EDN2: variants seen among roughly 807,000 people sequenced by gnomAD.
EDN2 encodes the protein endothelin-2.
Under a neutral mutation model 19.9 loss-of-function variants are expected in EDN2, and 10 were observed. The ratio of observed to expected loss-of-function variants is 0.50; its 90% CI spans 0.31 to 0.85. The LOEUF is 0.85. EDN2 is among the 40% of genes least tolerant of loss of function. The pLI is 0.05. For synonymous variants in EDN2, 84 were observed against 94.9 expected, an observed-to-expected ratio of 0.89 and a Z score of 0.67; for missense variants, 222 against 239.3, an observed-to-expected ratio of 0.93 and a Z score of 0.48.
intron 4 of EDN2, chr1:41,480,808 C>T (rs529212443): frequency 5.6e-5 from 33 of 591,506 alleles, no homozygotes; most frequent in Admixed American, 1.1e-4. Flanking sequence ...TCAGCACAGC[C>T]TGAACGAACA....
In EDN2 at chr1:41,479,145, G is replaced by A. The variant is rs555392254; in HGVS notation, c.*264C>T. On this transcript the variant is annotated 3_prime_UTR_variant, in exon 5 of 5. Coordinates refer to ENST00000372587, the MANE Select transcript of EDN2 (RefSeq NM_001956.5). ...ATGTACTCCCCATGCAGTTCTTCCAGCAGAGCTGTGGGCCAGCAGCCAGCA... is the reference window on the plus strand; with the variant it reads ...ATGTACTCCCCATGCAGTTCTTCCAACAGAGCTGTGGGCCAGCAGCCAGCA... 64 of 573,124 alleles carry A rather than the reference G, an allele frequency of 1.1e-4. No homozygotes were observed. Among genetic ancestry groups the A allele is most frequent in the African/African-American group, 1.1e-3 (58 of 54,328 alleles). The allele number at this position is 573,124 out of a possible 1,614,324, so 35.5% of individuals were successfully genotyped here. A position where few individuals can be genotyped will look rare whatever the true frequency, so the allele number is the denominator to read the frequency against.
chr1:41,484,274 C>G, intron 1 of EDN2, 71 bp from the exon 2 acceptor site: 1 of 1,535,420 alleles, frequency 6.5e-7, no homozygotes, highest in Non-Finnish European at 8.8e-7. Context: ...GAGTGGGGGA[C>G]CCACCATGCC....
chr1:41,484,246 G>T (rs771560204), intron 1 of EDN2, 43 bp from the exon 2 acceptor site: 17 of 1,597,982 alleles, frequency 1.1e-5, no homozygotes, highest in Non-Finnish European at 1.5e-5. Context: ...GGTGGGTTGG[G>T]GTGCCTGGCA....
rs113450087 is a variant in EDN2 at position 41,482,010 on chromosome 1, T to C, written c.344+456A>G. Among the ~76,000 whole-genome samples, 70 of 152,300 alleles carry C rather than the reference T, an allele frequency of 4.6e-4. 3 individuals are homozygous for C. Among genetic ancestry groups the C allele is most frequent in the African/African-American group, 1.6e-3 (67 of 41,568 alleles). ...CTGGGGCCACCCTGGGATGGTGACA[T>C]GGCTTCCCAACTCCAGATGCCATTT... On this transcript the variant is annotated intron_variant, in intron 3 of 4. Transcript: ENST00000372587.
At chr1:41,480,158 A>C (rs1279955783) in intron 4 of EDN2, among the ~76,000 whole-genome samples, 2 of 152,240 alleles carry the variant, frequency 1.3e-5, no homozygotes, top group East Asian at 3.8e-4. Context: ...GCACACTATG[A>C]AGTGTGCGCT....
intron 4 of EDN2, among the ~76,000 whole-genome samples, chr1:41,480,009 A>G (rs1313699130): frequency 1.3e-5 from 2 of 152,168 alleles, no homozygotes; most frequent in East Asian, 3.9e-4. Flanking sequence ...CTAAACTGGG[A>G]GCCAGGAGGC....
intron 2 of EDN2, 29 bp downstream of exon 2, chr1:41,484,018 C>T (rs1300203448): frequency 6.4e-7 from 1 of 1,562,782 alleles, no homozygotes; most frequent in Non-Finnish European, 8.7e-7. Flanking sequence ...CCAGAGCTCC[C>T]CCTGCCCCCA....
In EDN2 at chr1:41,481,026, T is replaced by C. The variant is rs570185757; in HGVS notation, c.443+69A>G. The C allele has an allele frequency of 8.1e-5, 108 of 1,336,248 alleles. No homozygotes were observed. In the African/African-American group the frequency reaches 9.2e-4, roughly 11 times the overall value. The allele number at this position is 1,336,248 out of a possible 1,614,324, so 82.8% of individuals were successfully genotyped here. ...AATGAGGACCCAGGCCTGCCTCACA[T>C]AGAAAATATGGGAAATGTGCAAGGC... On this transcript the variant is annotated intron_variant, in intron 4 of 4. Coordinates refer to ENST00000372587, the MANE Select transcript of EDN2 (RefSeq NM_001956.5).
intron 3 of EDN2, among the ~76,000 whole-genome samples, chr1:41,481,785 C>T (rs1376179644): frequency 6.6e-6 from 1 of 152,172 alleles, no homozygotes; most frequent in Non-Finnish European, 1.5e-5. Context: ...AGGTGATCCA[C>T]CCGCCTCGGA....
chr1:41,483,047 A>G (rs1644261651), intron 2 of EDN2: 1 of 154,242 alleles, frequency 6.5e-6, no homozygotes, highest in African/African-American at 2.4e-5. Flanking sequence ...ACAGGCTCAT[A>G]GCTAAGCTGC....
chr1:41,481,329 C>T lies in EDN2; in HGVS notation c.345-136G>A, dbSNP rs927761703. On this transcript the variant is annotated intron_variant, in intron 3 of 4. Coordinates refer to ENST00000372587, the MANE Select transcript of EDN2 (RefSeq NM_001956.5). ...GAGCAGATCCATTTCCACCCCTGTG[C>T]ACCTGGCATCTTTCCCTTTCCAGGT... 7.9e-6 allele frequency: 5 copies of T among 633,522 alleles called. No homozygotes were observed. The African/African-American group carries it at 9.2e-5, about 12-fold the overall frequency. The allele number at this position is 633,522 out of a possible 1,614,324, so 39.2% of individuals were successfully genotyped here. A position where few individuals can be genotyped will look rare whatever the true frequency, so the allele number is the denominator to read the frequency against.
In EDN2 at chr1:41,479,220, G is replaced by A. The variant is rs61776406; in HGVS notation, c.*189C>T. Reference sequence around the variant, plus strand: ...GGCCGAGGGCTTCCCTGGGCAGTGCGAGGACACAGAACTGCCTTGGACGAG... The same window carrying A: ...GGCCGAGGGCTTCCCTGGGCAGTGCAAGGACACAGAACTGCCTTGGACGAG... On this transcript the variant is annotated 3_prime_UTR_variant, in exon 5 of 5. Transcript: ENST00000372587. 8.7e-6 allele frequency: 6 copies of A among 689,556 alleles called. No individual in the cohort carries two copies. The highest frequency in any genetic ancestry group is 1.5e-5 in the South Asian group (1 of 66,690). 42.7% of individuals were successfully genotyped at this position (689,556 alleles called of 1,614,324 possible). A position where few individuals can be genotyped will look rare whatever the true frequency, so the allele number is the denominator to read the frequency against.
intron 3 of EDN2, among the ~76,000 whole-genome samples, chr1:41,482,062 C>G (rs1247149637): frequency 1.3e-5 from 2 of 152,172 alleles, no homozygotes; most frequent in Non-Finnish European, 2.9e-5. Flanking sequence ...CCAAAGTCCC[C>G]CTGAACCTCA....
chr1:41,483,829 C>G, intron 2 of EDN2: 1 of 512,820 alleles, frequency 1.9e-6, no homozygotes, highest in Non-Finnish European at 3.4e-6. Flanking sequence ...CACTTGCTTA[C>G]CAGGCTGTCT....
chr1:41,484,270 G>C, intron 1 of EDN2, 67 bp from the exon 2 acceptor site: 2 of 1,564,752 alleles, frequency 1.3e-6, no homozygotes, highest in Non-Finnish European at 1.7e-6. Flanking sequence ...CCCAGAGTGG[G>C]GGACCCACCA....
In EDN2 at chr1:41,479,118, G is replaced by A; in HGVS notation, c.*291C>T. On this transcript the variant is annotated 3_prime_UTR_variant, in exon 5 of 5. Coordinates refer to ENST00000372587, the MANE Select transcript of EDN2 (RefSeq NM_001956.5). ...ACTCCTCAGGACGCAGCCTCCAGAT[G>A]AATGTACTCCCCATGCAGTTCTTCC... 1 of 490,390 alleles carries A rather than the reference G, an allele frequency of 2.0e-6. No individual in the cohort carries two copies. Among genetic ancestry groups the A allele is most frequent in the South Asian group, 1.9e-5 (1 of 52,562 alleles). 30.4% of individuals were successfully genotyped at this position (490,390 alleles called of 1,614,324 possible).
chr1:41,479,742 T>C (rs985377346), intron 4 of EDN2, among the ~76,000 whole-genome samples: 2 of 152,346 alleles, frequency 1.3e-5, no homozygotes, highest in Middle Eastern at 3.4e-3. Flanking sequence ...CAACATCAAA[T>C]GCTGCCAGAA....
chr1:41,479,648 G>A, intron 4 of EDN2, 146 bp from the exon 5 acceptor site: 1 of 674,998 alleles, frequency 1.5e-6, no homozygotes, highest in Non-Finnish European at 2.5e-6. Flanking sequence ...ACCACAGCCT[G>A]AAAACAAGGT....
intron 1 of EDN2, 109 bp downstream of exon 1, chr1:41,484,429 C>T (rs2149039159): frequency 1.4e-6 from 2 of 1,441,242 alleles, no homozygotes; most frequent in Non-Finnish European, 9.4e-7. Context: ...CGCCAGGCTC[C>T]CGCCCCTGTC....
Sources: gnomAD v4.1 joint callset for allele counts (sites outside exome capture counted in the v4.1 genomes callset) on GRCh38, gnomAD v4.1.1 for gene constraint, MANE v1.5 for transcripts, NCBI Gene and HGNC (gene_info 2026-07-23, HGNC 2026-07-21) for gene names.